Variants in BRINP3 observed in about 807,000 individuals in gnomAD.
The protein encoded by BRINP3 is BMP/retinoic acid inducible neural specific 3.
BRINP3 carries 19 observed loss-of-function variants against 71.0 expected under a neutral mutation model. The observed-to-expected ratio is 0.27, with a 90% CI of 0.19 to 0.39. The LOEUF is 0.39. BRINP3 is among the 10% of genes least tolerant of loss of function. The pLI is 1.00. For synonymous variants in BRINP3, 380 were observed against 337.7 expected, an observed-to-expected ratio of 1.13 and a Z score of -1.37; for missense variants, 959 against 940.8, an observed-to-expected ratio of 1.02 and a Z score of -0.25.
intron 2 of BRINP3, among the ~76,000 whole-genome samples, chr1:190,441,974 G>A (rs777978709): frequency 6.6e-6 from 1 of 152,002 alleles, no homozygotes; most frequent in Non-Finnish European, 1.5e-5. Flanking sequence ...GAAAGCATGA[G>A]TTAAAGATCA....
At chr1:190,376,429 C>G (rs1247003528) in intron 2 of BRINP3, among the ~76,000 whole-genome samples, 1 of 152,048 alleles carries the variant, frequency 6.6e-6, no homozygotes, top group East Asian at 1.9e-4. Flanking sequence ...CATCTGTCTG[C>G]CTACTTATTT....
chr1:190,108,657 A>G (rs148154601), intron 7 of BRINP3, among the ~76,000 whole-genome samples: 3 of 150,004 alleles, frequency 2.0e-5, no homozygotes, highest in African/African-American at 7.4e-5. Flanking sequence ...GACTACAAAC[A>G]ATGATGAATT....
At chr1:190,322,105 A>C (rs1666285566) in intron 2 of BRINP3, among the ~76,000 whole-genome samples, 1 of 152,032 alleles carries the variant, frequency 6.6e-6, no homozygotes, top group South Asian at 2.1e-4. Flanking sequence ...TTTTAAATGA[A>C]AGGTAGTTCA....
chr1:190,323,158 T>C (rs892852229), intron 2 of BRINP3, among the ~76,000 whole-genome samples: 1 of 152,060 alleles, frequency 6.6e-6, no homozygotes, highest in Non-Finnish European at 1.5e-5. Context: ...GATAGTGACA[T>C]CTTTCACATA....
At chr1:190,381,000 G>A (rs1018638941) in intron 2 of BRINP3, among the ~76,000 whole-genome samples, 7 of 151,876 alleles carry the variant, frequency 4.6e-5, no homozygotes, top group African/African-American at 1.7e-4. Context: ...TGAGAAATAT[G>A]AGCCTCAAAA....
intron 1 of BRINP3, among the ~76,000 whole-genome samples, chr1:190,460,240 T>C (rs1159508344): frequency 6.6e-6 from 1 of 150,642 alleles, no homozygotes; most frequent in Non-Finnish European, 1.5e-5. Flanking sequence ...AAATTATAAA[T>C]GTTAGAATTA....
In BRINP3 at chr1:190,175,105, A is replaced by C. The variant is rs113479879; in HGVS notation, c.962-14215T>G. Among the ~76,000 whole-genome samples, 10 of 152,264 alleles carry C rather than the reference A, an allele frequency of 6.6e-5. 1 individual carries two copies. Among genetic ancestry groups the C allele is most frequent in the African/African-American group, 2.4e-4 (10 of 41,574 alleles). ...TGTGTATAAGAAAAGTGTTCCAATAATAAAATCATGGCAATATTACTCCTT... is the reference window on the plus strand; with the variant it reads ...TGTGTATAAGAAAAGTGTTCCAATACTAAAATCATGGCAATATTACTCCTT... On this transcript the variant is annotated intron_variant, in intron 6 of 7. Coordinates refer to ENST00000367462, the MANE Select transcript of BRINP3 (RefSeq NM_199051.3).
chr1:190,206,618 A>T (rs1319305790), intron 6 of BRINP3, among the ~76,000 whole-genome samples: 2 of 152,106 alleles, frequency 1.3e-5, no homozygotes, highest in Non-Finnish European at 2.9e-5. Context: ...AGTTAGAGGA[A>T]TCTTAGTTTG....
At chr1:190,385,554 T>C (rs1311365305) in intron 2 of BRINP3, among the ~76,000 whole-genome samples, 2 of 151,858 alleles carry the variant, frequency 1.3e-5, no homozygotes, top group Non-Finnish European at 2.9e-5. Context: ...CCAGTTAGAA[T>C]GGCAATCATT....
At chr1:190,296,890 G>A (rs1329449268) in intron 2 of BRINP3, among the ~76,000 whole-genome samples, 5 of 151,962 alleles carry the variant, frequency 3.3e-5, no homozygotes, top group African/African-American at 7.2e-5. Flanking sequence ...AGGCACTGAT[G>A]AAAGAAATTG....
intron 4 of BRINP3, among the ~76,000 whole-genome samples, chr1:190,238,915 C>T (rs114862998): frequency 6.6e-6 from 1 of 152,112 alleles, no homozygotes; most frequent in Non-Finnish European, 1.5e-5. Flanking sequence ...CTACCAGAGA[C>T]TAGGTAATTT....
chr1:190,445,785 G>A (rs1252920534), intron 2 of BRINP3, among the ~76,000 whole-genome samples: 1 of 152,058 alleles, frequency 6.6e-6, no homozygotes, highest in Non-Finnish European at 1.5e-5. Context: ...GAAGAAGACC[G>A]CAGAGATAAT....
At chr1:190,229,097 A>G (rs1254477292) in intron 5 of BRINP3, among the ~76,000 whole-genome samples, 1 of 152,006 alleles carries the variant, frequency 6.6e-6, no homozygotes, top group Non-Finnish European at 1.5e-5. Flanking sequence ...TGAAGTGAGA[A>G]TTTCTGGGGT....
chr1:190,423,480 T>C (rs748573299), intron 2 of BRINP3, among the ~76,000 whole-genome samples: 10 of 151,798 alleles, frequency 6.6e-5, no homozygotes, highest in Non-Finnish European at 1.3e-4. Flanking sequence ...CAGGATAGCG[T>C]AGAATTTTCC....
Position 190,329,276 on chromosome 1 carries a change from A to C in BRINP3, c.237-47526T>G, listed in dbSNP as rs189955620. Reference sequence around the variant, plus strand: ...GTGATGATTTAATTCTATACCTAGAAAATCCTAGAGACTCTTGCAAAATTT... The same window carrying C: ...GTGATGATTTAATTCTATACCTAGACAATCCTAGAGACTCTTGCAAAATTT... On this transcript the variant is annotated intron_variant, in intron 2 of 7. Coordinates refer to ENST00000367462, the MANE Select transcript of BRINP3 (RefSeq NM_199051.3). Among the ~76,000 whole-genome samples the C allele has an allele frequency of 1.7e-3, 257 of 152,162 alleles. 1 individual carries two copies. Among genetic ancestry groups the C allele is most frequent in the African/African-American group, 5.9e-3 (245 of 41,540 alleles).
At chr1:190,127,497 T>C (rs1654183906) in intron 7 of BRINP3, among the ~76,000 whole-genome samples, 1 of 151,902 alleles carries the variant, frequency 6.6e-6, no homozygotes, top group Non-Finnish European at 1.5e-5. Flanking sequence ...TTCTTCTTTT[T>C]ACAGTTCTGA....
intron 1 of BRINP3, among the ~76,000 whole-genome samples, chr1:190,463,926 T>A (rs1220702521): frequency 6.6e-6 from 1 of 151,948 alleles, no homozygotes; most frequent in East Asian, 1.9e-4. Context: ...TTGCACAATG[T>A]AGGCCATTCG....
Position 190,159,780 on chromosome 1 carries a change from G to GT in BRINP3, c.1184+887dup, listed in dbSNP as rs578048958. ...CACCTTAGATTATGATGGTTGCATA[G>GT]TTTTTTTTTTATACTAGACACCAAT... is the stretch of plus-strand genomic sequence containing the variant. On this transcript the variant is annotated intron_variant, in intron 7 of 7. Transcript: ENST00000367462. Among the ~76,000 whole-genome samples the GT allele has an allele frequency of 5.0e-4, 74 of 147,976 alleles. 1 individual carries two copies. The East Asian group carries it at 6.7e-3, about 13-fold the overall frequency.
chr1:190,277,087 TTA>T (rs1222129309), intron 3 of BRINP3, among the ~76,000 whole-genome samples: 1,410 of 36,010 alleles, frequency 0.039, 158 homozygotes, highest in Admixed American at 0.074. Context: ...AATTTTGGTT[TTA>T]TATATATATA....
Sources: gnomAD v4.1 joint callset for allele counts (sites outside exome capture counted in the v4.1 genomes callset) on GRCh38, gnomAD v4.1.1 for gene constraint, MANE v1.5 for transcripts, NCBI Gene and HGNC (gene_info 2026-07-23, HGNC 2026-07-21) for gene names.